The following FHOD3 variants were observed in gnomAD, a reference collection of about 807,000 sequenced individuals.
FHOD3 encodes FH1/FH2 domain-containing protein 3.
In FHOD3, 90 loss-of-function variants were observed where a neutral mutation model predicts 173.0. That is an observed-to-expected ratio of 0.52 (90% CI 0.44 to 0.62). The LOEUF (loss-of-function observed/expected upper bound fraction) is 0.62. FHOD3 is among the 20% of genes least tolerant of loss of function. The pLI is 0.00. For missense variants in FHOD3, 1,945 were observed against 2,034.7 expected (o/e 0.96, Z 0.85); for synonymous variants, 828 against 823.0 (o/e 1.01, Z -0.10).
At chr18:36,608,279 A>G (rs543838542) in intron 8 of FHOD3, among the ~76,000 whole-genome samples, 3 of 152,354 alleles carry the variant, frequency 2.0e-5, no homozygotes, top group Non-Finnish European at 4.4e-5. Context: ...GCATCTGGCC[A>G]GGCCCTTCTT....
chr18:36,353,856 T>C (rs2046242423), intron 1 of FHOD3, among the ~76,000 whole-genome samples: 1 of 152,200 alleles, frequency 6.6e-6, no homozygotes, highest in Non-Finnish European at 1.5e-5. Context: ...GGCAGCAAAG[T>C]GCTCTCTTCC....
At chr18:36,416,359 T>A (rs1374172892) in intron 3 of FHOD3, among the ~76,000 whole-genome samples, 2 of 152,180 alleles carry the variant, frequency 1.3e-5, no homozygotes, top group Non-Finnish European at 2.9e-5. Context: ...CCATCTATGA[T>A]TACACTGAAA....
At chr18:36,540,789 C>T (rs1333453150) in intron 5 of FHOD3, among the ~76,000 whole-genome samples, 1 of 152,160 alleles carries the variant, frequency 6.6e-6, no homozygotes, top group Admixed American at 6.5e-5. Context: ...TCTCTGCTTC[C>T]AGGGCCTATG....
intron 19 of FHOD3, among the ~76,000 whole-genome samples, chr18:36,727,332 A>AGGCAC (rs1447541066): frequency 6.6e-6 from 1 of 152,080 alleles, no homozygotes; most frequent in African/African-American, 2.4e-5. Context: ...GCTGCTTTAG[A>AGGCAC]TTATTGTCAG....
chr18:36,343,603 A>G (rs964506595), intron 1 of FHOD3, among the ~76,000 whole-genome samples: 7 of 151,686 alleles, frequency 4.6e-5, no homozygotes, highest in Admixed American at 4.6e-4. Flanking sequence ...GCTGTTAAAA[A>G]AAAGCCTGGT....
chr18:36,388,755 C>A (rs573254551), intron 3 of FHOD3, among the ~76,000 whole-genome samples: 1 of 152,214 alleles, frequency 6.6e-6, no homozygotes, highest in Non-Finnish European at 1.5e-5. Flanking sequence ...AAGCAAAAAA[C>A]AAAACAGACC....
chr18:36,589,445 A>G (rs1051620804), intron 6 of FHOD3, among the ~76,000 whole-genome samples: 4 of 152,184 alleles, frequency 2.6e-5, no homozygotes, highest in Non-Finnish European at 5.9e-5. Context: ...AAGCCATCAC[A>G]TGGTTCTTTT....
intron 19 of FHOD3, among the ~76,000 whole-genome samples, chr18:36,724,092 T>C (rs953131403): frequency 6.6e-6 from 1 of 152,236 alleles, no homozygotes; most frequent in Non-Finnish European, 1.5e-5. Context: ...ACTTGCAGAT[T>C]CTTAAATACT....
At chr18:36,470,375 CAG>C (rs1416399251) in intron 3 of FHOD3, among the ~76,000 whole-genome samples, 1 of 152,172 alleles carries the variant, frequency 6.6e-6, no homozygotes, top group African/African-American at 2.4e-5. Context: ...TGGATTAGCT[CAG>C]AGGCAAAGGA....
At chr18:36,419,516 A>G (rs1299578945) in intron 3 of FHOD3, among the ~76,000 whole-genome samples, 1 of 152,208 alleles carries the variant, frequency 6.6e-6, no homozygotes, top group Non-Finnish European at 1.5e-5. Flanking sequence ...ATGAATTTAT[A>G]TAAACCATGG....
intron 3 of FHOD3, among the ~76,000 whole-genome samples, chr18:36,468,870 C>T (rs2145042393): frequency 6.6e-6 from 1 of 152,204 alleles, no homozygotes; most frequent in Admixed American, 6.5e-5. Context: ...CAATGGTAAT[C>T]CCACCGACAG....
rs553691461 is a variant in FHOD3 at position 36,371,609 on chromosome 18, A to G, written c.273-1071A>G. The stretch of plus-strand genomic sequence containing the variant: ...CAAATCATATCAGAATCAACAAACC[A>G]TTGTTTAAACCATACTTCTGTCTCT... On this transcript the variant is annotated intron_variant, in intron 2 of 28. Transcript: ENST00000590592. 2.4e-4 allele frequency among the ~76,000 whole-genome samples: 36 copies of G among 152,346 alleles called. 2 individuals carry two copies. The highest frequency in any genetic ancestry group is 7.9e-4 in the African/African-American group (33 of 41,584).
intron 25 of FHOD3, among the ~76,000 whole-genome samples, 191 bp downstream of exon 25, chr18:36,755,502 A>G (rs2042596327): frequency 6.6e-6 from 1 of 151,066 alleles, no homozygotes; most frequent in Non-Finnish European, 1.5e-5. Flanking sequence ...CTGCTAAATA[A>G]CAAGGAGCTA....
intron 21 of FHOD3, among the ~76,000 whole-genome samples, chr18:36,741,353 G>T (rs1164393405): frequency 6.6e-6 from 1 of 152,198 alleles, no homozygotes; most frequent in African/African-American, 2.4e-5. Context: ...ATCCTCTCTG[G>T]AATAGGGCAG....
intron 8 of FHOD3, among the ~76,000 whole-genome samples, chr18:36,610,195 C>A (rs1258271693): frequency 1.3e-5 from 2 of 152,208 alleles, no homozygotes; most frequent in African/African-American, 4.8e-5. Context: ...CCTTCACCTG[C>A]ATTCCTCAGG....
At chr18:36,541,684 G>A (rs747326114) in intron 5 of FHOD3, among the ~76,000 whole-genome samples, 30 of 152,174 alleles carry the variant, frequency 2.0e-4, no homozygotes, top group Admixed American at 5.9e-4. Flanking sequence ...AGCCCAGGAC[G>A]TTAGGATAAC....
At chr18:36,759,253 A>G in intron 26 of FHOD3, 112 bp downstream of exon 26, 3 of 1,166,054 alleles carry the variant, frequency 2.6e-6, no homozygotes, top group Non-Finnish European at 3.7e-6. Flanking sequence ...GCTTTAAACA[A>G]TGCATGGACA....
intron 3 of FHOD3, among the ~76,000 whole-genome samples, chr18:36,425,579 T>TG (rs776300478): frequency 5.9e-5 from 9 of 152,062 alleles, no homozygotes; most frequent in Non-Finnish European, 1.3e-4. Flanking sequence ...GTAAAGATAG[T>TG]GGGGAAAAAA....
At chr18:36,398,122 T>C (rs1398925897) in intron 3 of FHOD3, among the ~76,000 whole-genome samples, 1 of 152,234 alleles carries the variant, frequency 6.6e-6, no homozygotes, top group East Asian at 1.9e-4. Flanking sequence ...TTTCCTGCTG[T>C]ATTCTTGAAC....
Sources: allele counts gnomAD v4.1 joint callset (sites outside exome capture counted in the v4.1 genomes callset), GRCh38; gene constraint gnomAD v4.1.1; transcripts MANE v1.5; gene names NCBI Gene and HGNC (gene_info 2026-07-23, HGNC 2026-07-21).